The following ACYP2 variants were observed in gnomAD, a reference collection of about 807,000 sequenced individuals.
The protein encoded by ACYP2 is acylphosphatase 2, also known as acylphosphatase-2.
A neutral mutation model predicts 11.2 loss-of-function variants in ACYP2; 12 were observed. That is an observed-to-expected ratio of 1.08 (90% confidence interval 0.69 to 1.74). The LOEUF is 1.74. Among genes scored for constraint, ACYP2 ranks in the 40% most tolerant of loss-of-function variants. The pLI is 0.00. For missense variants in ACYP2, 134 were observed against 101.9 expected (o/e 1.31, Z -1.35); for synonymous variants, 43 against 32.2 (o/e 1.33, Z -1.13).
intron 4 of ACYP2, among the ~76,000 whole-genome samples, chr2:54,062,708 T>C (rs1676533182): frequency 6.6e-6 from 1 of 152,244 alleles, no homozygotes; most frequent in East Asian, 1.9e-4. Flanking sequence ...ATGTATACCA[T>C]AGAATGAGCT....
intron 4 of ACYP2, among the ~76,000 whole-genome samples, chr2:54,120,345 T>C (rs960479073): frequency 6.6e-6 from 1 of 152,222 alleles, no homozygotes; most frequent in South Asian, 2.1e-4. Flanking sequence ...ATAATGTTTC[T>C]ATAGATGTTT....
intron 6 of ACYP2, among the ~76,000 whole-genome samples, chr2:54,221,544 A>T (rs1219266813): frequency 1.6e-5 from 2 of 127,760 alleles, no homozygotes; most frequent in Non-Finnish European, 3.2e-5. Context: ...TTTTTTAAAC[A>T]CGGTCTCTCT....
intron 2 of ACYP2, among the ~76,000 whole-genome samples, chr2:54,007,614 C>A (rs1259810636): frequency 6.6e-6 from 1 of 152,030 alleles, no homozygotes; most frequent in African/African-American, 2.4e-5. Context: ...ACCTGTAATC[C>A]CAGCACTTTG....
At chr2:54,284,769 C>G (rs1006391316) in intron 6 of ACYP2, among the ~76,000 whole-genome samples, 5 of 152,188 alleles carry the variant, frequency 3.3e-5, no homozygotes, top group African/African-American at 1.2e-4. Context: ...TCCCTCCCAG[C>G]AGGCTTTGCT....
intron 6 of ACYP2, chr2:54,256,416 T>C (rs2104027611): frequency 2.1e-6 from 1 of 471,706 alleles, no homozygotes; most frequent in Non-Finnish European, 3.9e-6. Flanking sequence ...TTAGCCAAAG[T>C]CTAATGAGCT....
At chr2:54,126,255 G>T (rs769749215) in intron 4 of ACYP2, among the ~76,000 whole-genome samples, 1 of 152,158 alleles carries the variant, frequency 6.6e-6, no homozygotes, top group African/African-American at 2.4e-5. Context: ...TAACAGTTAC[G>T]AGAAGATGAA....
intron 2 of ACYP2, among the ~76,000 whole-genome samples, chr2:53,983,884 G>T (rs1169894603): frequency 1.3e-5 from 2 of 152,208 alleles, no homozygotes; most frequent in Non-Finnish European, 2.9e-5. Flanking sequence ...AGTACAATGT[G>T]ATAGGAACAC....
chr2:54,179,045 G>C (rs1683593222), intron 6 of ACYP2, among the ~76,000 whole-genome samples: 1 of 152,166 alleles, frequency 6.6e-6, no homozygotes, highest in Non-Finnish European at 1.5e-5. Flanking sequence ...TTCATAGACA[G>C]CTGTCTTCTT....
chr2:54,168,420 C>T (rs1368414414), intron 6 of ACYP2, among the ~76,000 whole-genome samples: 2 of 151,824 alleles, frequency 1.3e-5, no homozygotes, highest in Admixed American at 6.6e-5. Context: ...AAGCAGACTC[C>T]GTCTCAAAAC....
At chr2:54,097,185 C>T (rs913020972) in intron 4 of ACYP2, among the ~76,000 whole-genome samples, 1 of 152,216 alleles carries the variant, frequency 6.6e-6, no homozygotes, top group African/African-American at 2.4e-5. Flanking sequence ...TTTAAAACTA[C>T]AGCTCTGGCC....
chr2:53,980,232 A>G (rs1489335633), intron 2 of ACYP2, among the ~76,000 whole-genome samples: 2 of 152,098 alleles, frequency 1.3e-5, no homozygotes, highest in Admixed American at 6.5e-5. Flanking sequence ...ATGTGCCTGT[A>G]GTCCCAGCTA....
chr2:54,103,341 T>C (rs1208419395), intron 4 of ACYP2, among the ~76,000 whole-genome samples: 1 of 152,198 alleles, frequency 6.6e-6, no homozygotes, highest in Non-Finnish European at 1.5e-5. Flanking sequence ...ATCATTTGCA[T>C]TTGGGTTTTT....
At position 54,138,675 on chromosome 2, in the gene ACYP2, G is replaced by A; in HGVS notation, c.331G>A (p.Gly111Ser). The A allele has an allele frequency of 1.2e-6, 2 of 1,614,084 alleles. No homozygotes were observed. Among genetic ancestry groups the A allele is most frequent in the Non-Finnish European group, 1.7e-6 (2 of 1,179,978 alleles). ...TGAAGCTAGGAAAATAGGAGTGGTT[G>A]GCTGGGTGAAGAATACCAGCAAAGG... Residue 111 changes from glycine (G) to serine (S), a missense_variant, in exon 6 of 7, where the codon GGC becomes AGC. Gly to Ser is a moderately conservative substitution (Grantham distance 56). Transcript: ENST00000607452.
intron 6 of ACYP2, among the ~76,000 whole-genome samples, chr2:54,245,026 CT>C (rs1240374975): frequency 6.6e-6 from 1 of 152,150 alleles, no homozygotes; most frequent in South Asian, 2.1e-4. Flanking sequence ...ATCTCACCAT[CT>C]TCCCCTTCCC....
chr2:54,283,322 A>G (rs1321844817), intron 6 of ACYP2, among the ~76,000 whole-genome samples: 1 of 152,190 alleles, frequency 6.6e-6, no homozygotes, highest in African/African-American at 2.4e-5. Context: ...CAAGCAATTC[A>G]TTGAACACCT....
At chr2:54,124,319 T>A (rs891191580) in intron 4 of ACYP2, among the ~76,000 whole-genome samples, 58 of 152,124 alleles carry the variant, frequency 3.8e-4, no homozygotes, top group African/African-American at 7.0e-4. Flanking sequence ...CTCAGCCTCC[T>A]GTGTAGCTGG....
intron 6 of ACYP2, among the ~76,000 whole-genome samples, chr2:54,146,997 T>C (rs1372323719): frequency 6.6e-6 from 1 of 152,012 alleles, no homozygotes; most frequent in East Asian, 1.9e-4. Context: ...GGTTTCACCA[T>C]GTTGGCCAGG....
intron 6 of ACYP2, chr2:54,254,839 T>C: frequency 7.2e-7 from 1 of 1,380,918 alleles, no homozygotes; most frequent in Non-Finnish European, 9.8e-7. Context: ...GTAAAGGGCA[T>C]ACCTAATGCT....
At chr2:54,173,384 G>T (rs1278230198) in intron 6 of ACYP2, among the ~76,000 whole-genome samples, 1 of 152,138 alleles carries the variant, frequency 6.6e-6, no homozygotes, top group East Asian at 1.9e-4. Flanking sequence ...CCCACTTTTT[G>T]ATGGGGTTGT....
Sources: allele counts gnomAD v4.1 joint callset (sites outside exome capture counted in the v4.1 genomes callset), GRCh38; gene constraint gnomAD v4.1.1; transcripts MANE v1.5; gene names NCBI Gene and HGNC (gene_info 2026-07-23, HGNC 2026-07-21).